TTC28: variants seen among roughly 807,000 people sequenced by gnomAD.
TTC28 encodes tetratricopeptide repeat domain 28, also known as tetratricopeptide repeat protein 28.
TTC28 carries 61 observed loss-of-function variants against 198.0 expected under a neutral mutation model. That is an observed-to-expected ratio of 0.31 (90% CI 0.25 to 0.38). TTC28 has a LOEUF of 0.38. TTC28 is among the 10% of genes least tolerant of loss of function. TTC28 has a pLI of 1.00. For missense variants in TTC28, 2,678 were observed against 3,164.0 expected, an observed-to-expected ratio of 0.85 and a Z score of 3.69; for synonymous variants, 1,171 against 1,297.8, an observed-to-expected ratio of 0.90 and a Z score of 2.10.
Position 27,981,510 on chromosome 22 carries a change from T to TAA in TTC28, c.*709_*710dup, listed in dbSNP as rs926599075. The TAA allele has an allele frequency of 1.3e-5, 2 of 152,016 alleles. No homozygotes were observed. Among genetic ancestry groups the TAA allele is most frequent in the African/African-American group, 2.4e-5 (1 of 41,406 alleles). The allele number at this position is 152,016 out of a possible 1,614,324, so 9.4% of individuals were successfully genotyped here. ...ATTGCATAGTTCTAAAATGCCTGGA[T>TAA]AAGAGTTACATAATTTTTTTTTTAA... On this transcript the variant is annotated 3_prime_UTR_variant, in exon 23 of 23. Transcript: ENST00000397906.
At chr22:28,115,627 G>T (rs1441065619) in intron 6 of TTC28, among the ~76,000 whole-genome samples, 1 of 152,220 alleles carries the variant, frequency 6.6e-6, no homozygotes, top group Admixed American at 6.5e-5. Context: ...ATCTGTGTGG[G>T]CATCACCTCT....
chr22:28,351,249 G>A (rs2045991900), intron 2 of TTC28, among the ~76,000 whole-genome samples: 2 of 152,152 alleles, frequency 1.3e-5, no homozygotes, highest in South Asian at 2.1e-4. Context: ...CACATAGAGA[G>A]CATCTCCTGA....
chr22:27,999,112 T>C lies in TTC28; in HGVS notation c.4547A>G (p.Glu1516Gly). Residue 1516 changes from glutamate (E) to glycine (G), a missense_variant, in exon 16 of 23, where the codon GAG becomes GGG. Glu to Gly is a moderately conservative substitution (Grantham distance 98, BLOSUM62 -2). Transcript: ENST00000397906. ...CACTAGGGGCTGGCAGCCCAGCAGC[T>C]CGGACACCATGTAGGCCTCTTCCTC... ...SAEEEAYMVS[E>G]LLGCQPLVGS... 1.3e-6 allele frequency: 2 copies of C among 1,550,582 alleles called. No homozygotes were observed. The highest frequency in any genetic ancestry group is 1.7e-6 in the Non-Finnish European group (2 of 1,146,990).
At chr22:28,492,546 A>C (rs2048394427) in intron 2 of TTC28, among the ~76,000 whole-genome samples, 1 of 152,172 alleles carries the variant, frequency 6.6e-6, no homozygotes. Flanking sequence ...GGAAGGGAAA[A>C]AGGGGCAATT....
At chr22:28,303,576 G>A (rs1000226197) in intron 3 of TTC28, among the ~76,000 whole-genome samples, 2 of 152,024 alleles carry the variant, frequency 1.3e-5, no homozygotes, top group African/African-American at 4.8e-5. Context: ...CAAATATAAC[G>A]TATTTATATG....
intron 2 of TTC28, among the ~76,000 whole-genome samples, chr22:28,350,657 C>A (rs1423995568): frequency 1.3e-5 from 2 of 152,128 alleles, no homozygotes; most frequent in African/African-American, 4.8e-5. Flanking sequence ...CGCACACGCA[C>A]ACAAGCTTAA....
chr22:28,039,492 G>A (rs1324853025), intron 12 of TTC28, among the ~76,000 whole-genome samples: 1 of 150,924 alleles, frequency 6.6e-6, no homozygotes, highest in Non-Finnish European at 1.5e-5. Context: ...GACACAGGAA[G>A]GGGAACATCA....
At chr22:28,474,013 G>C (rs760755934) in intron 2 of TTC28, among the ~76,000 whole-genome samples, 10 of 152,130 alleles carry the variant, frequency 6.6e-5, no homozygotes, top group Non-Finnish European at 1.3e-4. Flanking sequence ...TGTTACAGGA[G>C]CCTTAGCAAA....
chr22:28,607,143 C>A (rs2050748806), intron 2 of TTC28, among the ~76,000 whole-genome samples: 1 of 152,146 alleles, frequency 6.6e-6, no homozygotes, highest in African/African-American at 2.4e-5. Context: ...CTCATACCTG[C>A]ATCGTCCTGT....
At chr22:28,482,195 G>C (rs1334141364) in intron 2 of TTC28, among the ~76,000 whole-genome samples, 4 of 137,288 alleles carry the variant, frequency 2.9e-5, no homozygotes, top group Non-Finnish European at 6.2e-5. Context: ...AGTAGAGATA[G>C]TAATGGGCAG....
At chr22:28,324,003 G>GTATA (rs1308035840) in intron 2 of TTC28, among the ~76,000 whole-genome samples, 7 of 152,146 alleles carry the variant, frequency 4.6e-5, no homozygotes, top group African/African-American at 1.7e-4. Context: ...CACTATAATA[G>GTATA]TATATCTGGT....
chr22:28,193,906 C>A (rs944207145), intron 5 of TTC28, among the ~76,000 whole-genome samples: 1 of 152,048 alleles, frequency 6.6e-6, no homozygotes, highest in Admixed American at 6.6e-5. Flanking sequence ...AGGATTTCCA[C>A]GACTTGAACT....
chr22:28,089,732 T>A (rs1482788063), intron 12 of TTC28, among the ~76,000 whole-genome samples: 2 of 139,220 alleles, frequency 1.4e-5, no homozygotes, highest in African/African-American at 2.6e-5. Context: ...TTCAAATGTT[T>A]AAAAAAAAAA....
intron 5 of TTC28, among the ~76,000 whole-genome samples, chr22:28,201,026 C>T (rs1925884907): frequency 6.6e-6 from 1 of 152,174 alleles, no homozygotes; most frequent in Admixed American, 6.5e-5. Context: ...ACGTGCCAGG[C>T]AGTTTATGTC....
intron 3 of TTC28, among the ~76,000 whole-genome samples, chr22:28,300,404 A>G (rs902018671): frequency 2.0e-5 from 3 of 152,166 alleles, no homozygotes; most frequent in Admixed American, 6.5e-5. Flanking sequence ...TTCTACAACA[A>G]TGGTAGAAAG....
chr22:28,424,340 C>A (rs1417001307), intron 2 of TTC28, among the ~76,000 whole-genome samples: 2 of 152,144 alleles, frequency 1.3e-5, no homozygotes, highest in African/African-American at 4.8e-5. Context: ...CTCCATGGGG[C>A]AAATTCCCAC....
chr22:28,613,750 C>G (rs2050857670), intron 2 of TTC28, among the ~76,000 whole-genome samples: 1 of 152,186 alleles, frequency 6.6e-6, no homozygotes, highest in South Asian at 2.1e-4. Flanking sequence ...AACACTCCTT[C>G]ATGATAAAAA....
chr22:28,635,672 G>A (rs962217490), intron 1 of TTC28, among the ~76,000 whole-genome samples: 3 of 151,958 alleles, frequency 2.0e-5, no homozygotes, highest in African/African-American at 7.3e-5. Flanking sequence ...CTTTATTGAG[G>A]TATAAACTGA....
chr22:28,068,531 G>A (rs1940847403), intron 12 of TTC28, among the ~76,000 whole-genome samples: 2 of 152,118 alleles, frequency 1.3e-5, no homozygotes, highest in Admixed American at 1.3e-4. Context: ...AGTCTCAGCG[G>A]GCAAGGAGTT....
Sources: allele counts gnomAD v4.1 joint callset (sites outside exome capture counted in the v4.1 genomes callset), GRCh38; gene constraint gnomAD v4.1.1; transcripts MANE v1.5; gene names NCBI Gene and HGNC (gene_info 2026-07-23, HGNC 2026-07-21).